TBC1D1: variants seen among roughly 807,000 people sequenced by gnomAD.
The protein encoded by TBC1D1 is TBC1 domain family member 1, also known as TBC1 (tre-2/USP6, BUB2, cdc16) domain family, member 1.
In TBC1D1, 89 loss-of-function variants were observed where a neutral mutation model predicts 125.6. The observed-to-expected ratio is 0.71, with a 90% CI of 0.60 to 0.85. TBC1D1 has a LOEUF of 0.85. TBC1D1 is among the 40% of genes least tolerant of loss of function. The pLI, the probability that TBC1D1 is intolerant of heterozygous loss-of-function variation, is 0.00. For missense variants in TBC1D1, 1,377 were observed against 1,469.2 expected (o/e 0.94, Z 1.03); for synonymous variants, 565 against 564.1 (o/e 1.00, Z -0.02).
chr4:38,035,650 A>G lies in TBC1D1; in HGVS notation c.1365A>G (p.Leu455=), dbSNP rs747392071. 1 of 1,613,938 alleles carries G rather than the reference A, an allele frequency of 6.2e-7. No individual in the cohort carries two copies. Among genetic ancestry groups the G allele is most frequent in the Non-Finnish European group, 8.5e-7 (1 of 1,179,956 alleles). ...TGATTATTTCTTTTCTGAGATGTTT[A>G]TATGAAGAGAAACAGAAAGAACACA... Residue 455 remains leucine (L), a synonymous_variant, in exon 8 of 20, where the codon TTA becomes TTG. Transcript: ENST00000261439.
At chr4:38,038,948 G>GAAAAAAA (rs565226039) in intron 8 of TBC1D1, among the ~76,000 whole-genome samples, 2,668 of 137,690 alleles carry the variant, frequency 0.019, 56 homozygotes, top group South Asian at 0.056. Flanking sequence ...TCCCTCTCGG[G>GAAAAAAA]AAAAAAAAAA....
rs372930518 is a variant in TBC1D1 at position 38,044,408 on chromosome 4, G to A, written c.1460G>A (p.Ser487Asn). The A allele has an allele frequency of 1.2e-6, 2 of 1,613,394 alleles. No individual in the cohort carries two copies. Among genetic ancestry groups the A allele is most frequent in the Non-Finnish European group, 1.7e-6 (2 of 1,179,888 alleles). ...AATATTGGAAGTGAATTACCACCCA[G>A]TGCCACTCGATTTAGGCTAGATATG... is the stretch of plus-strand genomic sequence containing the variant. Residue 487 changes from serine (S) to asparagine (N), a missense_variant, in exon 9 of 20, where the codon AGT becomes AAT. Physicochemically the swap from Ser to Asn is conservative, Grantham distance 46 (BLOSUM62 1). This residue lies in a region of TBC1D1 where 822 missense variants were observed against 824.6 expected (regional missense o/e 1.00). Coordinates refer to ENST00000261439, the MANE Select transcript of TBC1D1 (RefSeq NM_015173.4).
chr4:38,012,394 CCT>C (rs1297109322), intron 2 of TBC1D1, among the ~76,000 whole-genome samples: 4 of 152,200 alleles, frequency 2.6e-5, no homozygotes, highest in African/African-American at 7.2e-5. Flanking sequence ...AATACTCCTG[CCT>C]CAGGAGTAGT....
intron 2 of TBC1D1, among the ~76,000 whole-genome samples, chr4:37,964,207 G>A (rs773984515): frequency 5.9e-5 from 9 of 152,178 alleles, no homozygotes; most frequent in Non-Finnish European, 1.2e-4. Flanking sequence ...GGCCAGGGTT[G>A]GATATGCGAA....
chr4:37,906,619 TA>T (rs1472220624), intron 2 of TBC1D1, among the ~76,000 whole-genome samples: 1 of 152,220 alleles, frequency 6.6e-6, no homozygotes, highest in Non-Finnish European at 1.5e-5. Flanking sequence ...GTTTCTCTGA[TA>T]GGGGGTCTTT....
chr4:37,978,708 A>C (rs1486348247), intron 2 of TBC1D1, among the ~76,000 whole-genome samples: 1 of 123,806 alleles, frequency 8.1e-6, no homozygotes, highest in Admixed American at 7.7e-5. Context: ...AGCTGGTGGT[A>C]AAATGAGATG....
At chr4:38,119,981 G>T in intron 17 of TBC1D1, 5 of 985,338 alleles carry the variant, frequency 5.1e-6, no homozygotes, top group Non-Finnish European at 6.0e-6. Flanking sequence ...GCTCATAAAT[G>T]GGTAAAAAGA....
In TBC1D1 at chr4:38,045,795, C is replaced by T. The variant is rs368845006; in HGVS notation, c.1543-22C>T. On this transcript the variant is annotated intron_variant, in intron 9 of 19. Transcript: ENST00000261439. ...TGCAAAAGCCTCCAGAGTCATAACT[C>T]GACTGCCTTTTCTTTATGTAGGGTA... 73 of 1,604,738 alleles carry T rather than the reference C, an allele frequency of 4.5e-5. 1 individual carries two copies. In the African/African-American group the frequency reaches 7.2e-4, roughly 16 times the overall value.
At chr4:38,010,306 G>A (rs1168198072) in intron 2 of TBC1D1, among the ~76,000 whole-genome samples, 1 of 152,016 alleles carries the variant, frequency 6.6e-6, no homozygotes, top group Non-Finnish European at 1.5e-5. Flanking sequence ...CCCCTTTCTG[G>A]GCGTCTCTAA....
intron 7 of TBC1D1, among the ~76,000 whole-genome samples, chr4:38,028,085 A>G (rs1745400858): frequency 6.6e-6 from 1 of 151,904 alleles, no homozygotes; most frequent in Non-Finnish European, 1.5e-5. Flanking sequence ...CACATAAAAG[A>G]CACGATAGCT....
intron 2 of TBC1D1, among the ~76,000 whole-genome samples, chr4:37,943,014 C>G (rs1725906512): frequency 6.6e-6 from 1 of 152,134 alleles, no homozygotes; most frequent in Admixed American, 6.5e-5. Context: ...CTCAGGAGCT[C>G]TTGCAGGACA....
intron 12 of TBC1D1, among the ~76,000 whole-genome samples, chr4:38,063,069 T>C (rs916724961): frequency 6.6e-6 from 1 of 152,162 alleles, no homozygotes; most frequent in African/African-American, 2.4e-5. Context: ...ATGTCCAAAG[T>C]GAGTGATCTT....
At chr4:38,136,747 C>A (rs1393176281) in intron 19 of TBC1D1, among the ~76,000 whole-genome samples, 1 of 152,188 alleles carries the variant, frequency 6.6e-6, no homozygotes, top group Non-Finnish European at 1.5e-5. Flanking sequence ...CTTGGCACAA[C>A]GGAAGTCTTT....
chr4:38,136,272 G>A (rs947035430), intron 19 of TBC1D1, among the ~76,000 whole-genome samples: 13 of 152,306 alleles, frequency 8.5e-5, no homozygotes, highest in Admixed American at 2.6e-4. Flanking sequence ...TATGTGCTAG[G>A]TGCTGAGGAT....
chr4:38,130,614 C>T (rs1765433789), intron 18 of TBC1D1, among the ~76,000 whole-genome samples: 1 of 152,130 alleles, frequency 6.6e-6, no homozygotes, highest in Non-Finnish European at 1.5e-5. Flanking sequence ...AGAGCCAGTC[C>T]CCCTTGCAGA....
At chr4:38,120,671 G>A (rs537585771) in intron 17 of TBC1D1, among the ~76,000 whole-genome samples, 18 of 152,298 alleles carry the variant, frequency 1.2e-4, no homozygotes, top group Admixed American at 6.5e-4. Context: ...TGATGTGTGC[G>A]CCTTAACCTT....
chr4:38,078,628 C>T (rs1490771393), intron 12 of TBC1D1, among the ~76,000 whole-genome samples: 1 of 152,178 alleles, frequency 6.6e-6, no homozygotes, highest in Non-Finnish European at 1.5e-5. Flanking sequence ...TCTCTTCACC[C>T]TGTGAGGATA....
In TBC1D1 at chr4:38,019,040, A is replaced by T. The variant is rs1296864294; in HGVS notation, c.972+597A>T. 3.9e-5 allele frequency among the ~76,000 whole-genome samples: 6 copies of T among 152,146 alleles called. No individual in the cohort carries two copies. In the East Asian group the frequency reaches 9.6e-4, roughly 24 times the overall value. On this transcript the variant is annotated intron_variant, in intron 4 of 19. Transcript: ENST00000261439. ...ATCTCAGAGTACAGTGTCTACTTGAAAACTTTTTTCTTGATAATCTTCCAG... is the reference window on the plus strand; with the variant it reads ...ATCTCAGAGTACAGTGTCTACTTGATAACTTTTTTCTTGATAATCTTCCAG...
chr4:37,998,675 A>C (rs57524433), intron 2 of TBC1D1, among the ~76,000 whole-genome samples: 13,869 of 152,192 alleles, frequency 0.091, 1,259 homozygotes, highest in East Asian at 0.47. Context: ...CGCACAGCAC[A>C]GTTTCTGACT....
Sources: gnomAD v4.1 joint callset for allele counts (sites outside exome capture counted in the v4.1 genomes callset) on GRCh38, gnomAD v4.1.1 for gene constraint, gnomAD v4.1.1 regional missense constraint, MANE v1.5 for transcripts, NCBI Gene and HGNC (gene_info 2026-07-23, HGNC 2026-07-21) for gene names.